The following MTFMT variants were observed in gnomAD, a reference collection of about 807,000 sequenced individuals.
The protein encoded by MTFMT is mitochondrial methionyl-tRNA formyltransferase.
In MTFMT, 47 loss-of-function variants were observed where a neutral mutation model predicts 51.8. That is an observed-to-expected ratio of 0.91 (90% CI 0.72 to 1.16). The LOEUF is 1.16. MTFMT is among the 50% of genes most tolerant of loss of function. The pLI, the probability that MTFMT is intolerant of heterozygous loss-of-function variation, is 0.00. For missense variants in MTFMT, 512 were observed against 482.3 expected (o/e 1.06, Z -0.58); for synonymous variants, 196 against 176.7 (o/e 1.11, Z -0.87).
intron 6 of MTFMT, among the ~76,000 whole-genome samples, chr15:65,007,969 T>C (rs2086232768): frequency 6.6e-6 from 1 of 152,164 alleles, no homozygotes; most frequent in Non-Finnish European, 1.5e-5. Context: ...TCTCATTACT[T>C]TGGTGGTTCG....
rs756239745 is a variant in MTFMT, at chr15:65,016,498, T to C, written c.751A>G (p.Ile251Val). Reference sequence around the variant, plus strand: ...TCTGAAGTTTGTTCCTCCCATTTTATACAACTGGTACCAGCAGAAATCTTA... The same window carrying C: ...TCTGAAGTTTGTTCCTCCCATTTTACACAACTGGTACCAGCAGAAATCTTA... Reference protein sequence around the residue: ...APKISAGTSCIKWEEQTSEQI... With the variant: ...APKISAGTSCVKWEEQTSEQI... The change falls in exon 6 of 9, where the codon ATA becomes GTA. Residue 251 changes from isoleucine to valine, a missense_variant. Physicochemically the swap from Ile to Val is conservative, Grantham distance 29. Coordinates refer to ENST00000220058, the MANE Select transcript of MTFMT (RefSeq NM_139242.4). 5 of 1,612,478 alleles carry C rather than the reference T, an allele frequency of 3.1e-6. No homozygotes were observed. Among genetic ancestry groups the C allele is most frequent in the Admixed American group, 1.7e-5 (1 of 59,986 alleles).
intron 1 of MTFMT, among the ~76,000 whole-genome samples, chr15:65,028,011 T>G (rs539294197): frequency 2.0e-5 from 3 of 152,156 alleles, no homozygotes; most frequent in South Asian, 2.1e-4. Context: ...CCCAGGGGGG[T>G]ACATTTATTA....
In MTFMT at chr15:65,015,290, T is replaced by C. The variant is rs369326793; in HGVS notation, c.813+1146A>G. 8.5e-5 allele frequency among the ~76,000 whole-genome samples: 13 copies of C among 152,196 alleles called. No homozygotes were observed. The East Asian group carries it at 1.3e-3, about 16-fold the overall frequency. ...CCATTCTGTGGCAGCAGGAAAATAA[T>C]AGGATTTGAAGTAAGATAGATCTCG... is the stretch of plus-strand genomic sequence containing the variant. On this transcript the variant is annotated intron_variant, in intron 6 of 8. Transcript: ENST00000220058.
At position 65,029,603 on chromosome 15, in the gene MTFMT, A is replaced by C; in HGVS notation, c.11T>G (p.Leu4Trp). ...CGGAGGACCCCAACAGCGCCGCACC[A>C]ACACCCTCATCGCCTCGGCCGCCGG... The part of the protein sequence containing the change: MRV[L>W]VRRCWGPPLA... Residue 4 changes from leucine to tryptophan, a missense_variant, in exon 1 of 9, where the codon TTG becomes TGG. Physicochemically the swap from Leu to Trp is moderately conservative, Grantham distance 61 (BLOSUM62 -2). Transcript: ENST00000220058. The C allele has an allele frequency of 7.0e-7, 1 of 1,426,160 alleles. No individual in the cohort carries two copies. The allele number at this position is 1,426,160 out of a possible 1,614,324, so 88.3% of individuals were successfully genotyped here.
At position 65,002,774 on chromosome 15, in the gene MTFMT, C is replaced by A. The variant is rs2414866; in HGVS notation, c.*288G>T. 7.5e-3 allele frequency: 1,327 copies of A among 175,900 alleles called. 9 individuals carry two copies. The highest frequency in any genetic ancestry group is 0.025 in the African/African-American group (1,043 of 41,958). 10.9% of individuals were successfully genotyped at this position (175,900 alleles called of 1,614,324 possible). A position where few individuals can be genotyped will look rare whatever the true frequency, so the allele number is the denominator to read the frequency against. On this transcript the variant is annotated 3_prime_UTR_variant, in exon 9 of 9. Transcript: ENST00000220058. ...GGTCAGGAGTTCGAGACCAGCCTGA[C>A]CAACATGGTGAAACCCCATCTCTAC... is the stretch of plus-strand genomic sequence containing the variant.
intron 2 of MTFMT, among the ~76,000 whole-genome samples, chr15:65,024,011 C>G (rs2086398472): frequency 6.6e-6 from 1 of 152,156 alleles, no homozygotes; most frequent in South Asian, 2.1e-4. Flanking sequence ...AAAAACAGAG[C>G]TAGGACAACT....
At chr15:65,022,547 A>G (rs181228850) in intron 3 of MTFMT, among the ~76,000 whole-genome samples, 6 of 151,074 alleles carry the variant, frequency 4.0e-5, no homozygotes, top group African/African-American at 1.4e-4. Flanking sequence ...ATAGGTTTTC[A>G]TGAGCAATAT....
At chr15:65,012,745 C>T (rs544810577) in intron 6 of MTFMT, among the ~76,000 whole-genome samples, 1 of 152,148 alleles carries the variant, frequency 6.6e-6, no homozygotes, top group Non-Finnish European at 1.5e-5. Flanking sequence ...TAGCCAGTAC[C>T]ACACTATCTT....
intron 4 of MTFMT, 102 bp from the exon 5 acceptor site, chr15:65,020,374 T>C: frequency 1.0e-6 from 1 of 982,610 alleles, no homozygotes; most frequent in East Asian, 2.6e-5. Flanking sequence ...TATAACTTTT[T>C]TTCTTTTTCT....
At chr15:65,004,641 T>G (rs190074927) in intron 8 of MTFMT, among the ~76,000 whole-genome samples, 3 of 152,190 alleles carry the variant, frequency 2.0e-5, no homozygotes, top group Non-Finnish European at 4.4e-5. Flanking sequence ...TTACTGAATC[T>G]TCTTTCTTTG....
intron 6 of MTFMT, among the ~76,000 whole-genome samples, chr15:65,015,366 C>T (rs1180614157): frequency 1.3e-5 from 2 of 152,152 alleles, no homozygotes; most frequent in African/African-American, 4.8e-5. Flanking sequence ...CATCGAGTAA[C>T]ACTTAATAAC....
chr15:65,023,931 T>C (rs1269668357), intron 2 of MTFMT, 137 bp from the exon 3 acceptor site: 2 of 701,448 alleles, frequency 2.9e-6, no homozygotes, highest in Admixed American at 6.8e-5. Context: ...CTAAGTCTCG[T>C]ATCACCTGAA....
In MTFMT at chr15:65,026,998, G is replaced by T. The variant is rs759020815; in HGVS notation, c.252C>A (p.Val84=). 6.8e-6 allele frequency: 11 copies of T among 1,613,772 alleles called. No homozygotes were observed. The African/African-American group carries it at 8.0e-5, about 12-fold the overall frequency. The change falls in exon 2 of 9, where the codon GTC becomes GTA. Residue 84 remains valine, a synonymous_variant. Transcript: ENST00000220058. ...CTTTTGGTGATGGGGAAGGCATTGT[G>T]ACCACCTCCAGTTTGTCGATTAACT... ...EEELIDKLEV[V]TMPSPSPKGL... is the part of the protein sequence containing the mutation.
intron 8 of MTFMT, among the ~76,000 whole-genome samples, chr15:65,003,890 A>G (rs2140472424): frequency 6.7e-6 from 1 of 150,040 alleles, no homozygotes; most frequent in Non-Finnish European, 1.5e-5. Context: ...ATATAGACCC[A>G]GAAAAGGACA....
At chr15:65,024,168 A>G (rs369847516) in intron 2 of MTFMT, among the ~76,000 whole-genome samples, 1 of 152,132 alleles carries the variant, frequency 6.6e-6, no homozygotes, top group Admixed American at 6.5e-5. Context: ...CTCTACTAAA[A>G]AGACAAAATT....
At chr15:65,018,782 A>G (rs1438278300) in intron 5 of MTFMT, among the ~76,000 whole-genome samples, 2 of 152,246 alleles carry the variant, frequency 1.3e-5, no homozygotes, top group African/African-American at 4.8e-5. Context: ...TTATGACTGT[A>G]AAACACAATC....
At position 65,020,182 on chromosome 15, in the gene MTFMT, G is replaced by C; in HGVS notation, c.721+15C>G. 6.2e-7 allele frequency: 1 copy of C among 1,607,346 alleles called. No homozygotes were observed. The highest frequency in any genetic ancestry group is 8.5e-7 in the Non-Finnish European group (1 of 1,176,720). ...AACCTTTAGAAAGATGAGAGTCTCTGCAGCCTTCACTCACCGTAAGTCGCC... is the reference window on the plus strand; with the variant it reads ...AACCTTTAGAAAGATGAGAGTCTCTCCAGCCTTCACTCACCGTAAGTCGCC... On this transcript the variant is annotated intron_variant, in intron 5 of 8. Transcript: ENST00000220058.
At chr15:65,028,652 AAGG>A (rs1388344991) in intron 1 of MTFMT, among the ~76,000 whole-genome samples, 1 of 152,060 alleles carries the variant, frequency 6.6e-6, no homozygotes, top group Non-Finnish European at 1.5e-5. Context: ...AAAAAAGTGG[AAGG>A]AGGACTGCGT....
chr15:65,027,636 A>C (rs1385096184), intron 1 of MTFMT, among the ~76,000 whole-genome samples: 1 of 152,204 alleles, frequency 6.6e-6, no homozygotes, highest in African/African-American at 2.4e-5. Context: ...ACTTTACACA[A>C]CTGGGATATT....
Sources: gnomAD v4.1 joint callset for allele counts (sites outside exome capture counted in the v4.1 genomes callset) on GRCh38, gnomAD v4.1.1 for gene constraint, MANE v1.5 for transcripts, NCBI Gene and HGNC (gene_info 2026-07-23, HGNC 2026-07-21) for gene names.